KALRN: variants seen among roughly 807,000 people sequenced by gnomAD.
KALRN encodes kalirin RhoGEF kinase.
In KALRN, 70 loss-of-function variants were observed where a neutral mutation model predicts 353.7. That is an observed-to-expected ratio of 0.20 (90% CI 0.16 to 0.24). The LOEUF is 0.24. Among genes scored for constraint, KALRN ranks in the 10% least tolerant of loss-of-function variants. KALRN has a pLI of 1.00. For missense variants in KALRN, 2,791 were observed against 3,756.7 expected, an observed-to-expected ratio of 0.74 and a Z score of 6.72; for synonymous variants, 1,391 against 1,434.8, an observed-to-expected ratio of 0.97 and a Z score of 0.69.
chr3:124,242,357 C>A (rs970936451), intron 3 of KALRN, among the ~76,000 whole-genome samples: 1 of 152,158 alleles, frequency 6.6e-6, no homozygotes, highest in African/African-American at 2.4e-5. Context: ...GAAACTGAGA[C>A]GTAGAGAGAT....
chr3:124,640,286 C>A (rs372303287), intron 37 of KALRN, among the ~76,000 whole-genome samples: 1 of 127,462 alleles, frequency 7.8e-6, no homozygotes, highest in Non-Finnish European at 1.6e-5. Context: ...TTCTTTCTTT[C>A]TTTTTTTTTT....
chr3:124,154,162 G>A (rs936100584), intron 1 of KALRN, among the ~76,000 whole-genome samples: 14 of 152,172 alleles, frequency 9.2e-5, no homozygotes, highest in Non-Finnish European at 1.9e-4. Context: ...TGTTGCCATT[G>A]CTTTTGGTGT....
At chr3:124,639,765 A>G (rs2081820709) in intron 37 of KALRN, among the ~76,000 whole-genome samples, 1 of 152,240 alleles carries the variant, frequency 6.6e-6, no homozygotes, top group African/African-American at 2.4e-5. Context: ...AATGAAGGAT[A>G]TAACTTCTTC....
chr3:124,376,488 TC>T (rs937243615), intron 10 of KALRN, among the ~76,000 whole-genome samples: 2 of 152,212 alleles, frequency 1.3e-5, no homozygotes, highest in African/African-American at 4.8e-5. Flanking sequence ...TTCCCAGAAT[TC>T]ATCCCCTTCC....
At chr3:124,185,542 C>G (rs1000521601) in intron 1 of KALRN, among the ~76,000 whole-genome samples, 1 of 152,200 alleles carries the variant, frequency 6.6e-6, no homozygotes, top group Non-Finnish European at 1.5e-5. Flanking sequence ...CTGTGATCCT[C>G]CAAGGTTGAG....
intron 34 of KALRN, among the ~76,000 whole-genome samples, chr3:124,626,319 A>G (rs2119185): frequency 0.7 from 107,157 of 152,060 alleles, 38,150 homozygotes; most frequent in East Asian, 0.89. Flanking sequence ...ATTAGAGAGT[A>G]GGATTGCAAC....
At chr3:124,261,528 C>T (rs2072867116) in intron 3 of KALRN, among the ~76,000 whole-genome samples, 1 of 152,222 alleles carries the variant, frequency 6.6e-6, no homozygotes, top group African/African-American at 2.4e-5. Context: ...GGGCCTCTTT[C>T]TCCATCTCCT....
At chr3:124,336,883 T>G (rs1433738888) in intron 9 of KALRN, among the ~76,000 whole-genome samples, 1 of 152,164 alleles carries the variant, frequency 6.6e-6, no homozygotes, top group Non-Finnish European at 1.5e-5. Flanking sequence ...ACGTAGGTAT[T>G]TTATTCTCTT....
At chr3:124,615,338 C>T (rs2078457650) in intron 34 of KALRN, among the ~76,000 whole-genome samples, 1 of 152,090 alleles carries the variant, frequency 6.6e-6, no homozygotes, top group African/African-American at 2.4e-5. Flanking sequence ...TCATAAAAGA[C>T]ATGATCTTTC....
chr3:124,567,521 C>T (rs1399889099), intron 34 of KALRN, among the ~76,000 whole-genome samples: 1 of 152,132 alleles, frequency 6.6e-6, no homozygotes, highest in Non-Finnish European at 1.5e-5. Context: ...GCCTTTCCTG[C>T]TACTTTACTG....
Position 124,439,011 on chromosome 3 carries a change from T to C in KALRN, c.3172T>C (p.Leu1058=). 3 of 1,614,070 alleles carry C rather than the reference T, an allele frequency of 1.9e-6. No homozygotes were observed. Among genetic ancestry groups the C allele is most frequent in the South Asian group, 1.1e-5 (1 of 91,068 alleles). The change falls in exon 18 of 60, where the codon TTG becomes CTG. Residue 1058 remains leucine, a synonymous_variant. Transcript: ENST00000682506. ...TGTCATTCCCCTCATCAGCAAACAT[T>C]TGGAACAAAAGGAGGCCTTTCTTAA... ...DHVIPLISKH[L]EQKEAFLKAC... is the part of the protein sequence containing the mutation.
intron 38 of KALRN, among the ~76,000 whole-genome samples, chr3:124,653,732 T>G (rs2083672634): frequency 6.6e-6 from 1 of 152,236 alleles, no homozygotes; most frequent in Admixed American, 6.5e-5. Context: ...GAAGTGGTTC[T>G]AACCAGTAGC....
chr3:124,572,504 A>G (rs7613600), intron 34 of KALRN, among the ~76,000 whole-genome samples: 46,759 of 151,940 alleles, frequency 0.31, 7,399 homozygotes, highest in East Asian at 0.38. Context: ...GGTGGGAAGA[A>G]GACAGGGTAT....
chr3:124,413,726 C>G, intron 14 of KALRN, 61 bp downstream of exon 14: 1 of 1,319,918 alleles, frequency 7.6e-7, no homozygotes, highest in Non-Finnish European at 1.1e-6. Flanking sequence ...TACCATCTAG[C>G]CTGCAAGGAG....
chr3:124,114,916 A>G (rs568308136), intron 1 of KALRN, among the ~76,000 whole-genome samples: 1 of 152,316 alleles, frequency 6.6e-6, no homozygotes, highest in East Asian at 1.9e-4. Flanking sequence ...ACAAATATGT[A>G]TTGAATGCCT....
In KALRN at chr3:124,562,988, A is replaced by G; in HGVS notation, c.5081A>G (p.Glu1694Gly). ...RPGWCLVRTT[E>G]RSPPLEGLVP... ...GGTTGGTGTCTGGTCCGTACCACCG[A>G]ACGGAGCCCGCCCTTGGAGGGTCTG... is the stretch of plus-strand genomic sequence containing the variant. Residue 1694 changes from glutamate (E) to glycine (G), a missense_variant, in exon 34 of 60, where the codon GAA (glutamate) becomes GGA (glycine). By Grantham distance (98) the Glu-to-Gly change is moderately conservative. Coordinates refer to ENST00000682506, the MANE Select transcript of KALRN (RefSeq NM_001388419.1). 7.3e-7 allele frequency: 1 copy of G among 1,367,868 alleles called. No individual in the cohort carries two copies. Among genetic ancestry groups the G allele is most frequent in the Non-Finnish European group, 9.8e-7 (1 of 1,021,996 alleles). 84.7% of individuals were successfully genotyped at this position (1,367,868 alleles called of 1,614,324 possible).
At chr3:124,212,700 G>C (rs571800959) in intron 1 of KALRN, among the ~76,000 whole-genome samples, 1 of 152,080 alleles carries the variant, frequency 6.6e-6, no homozygotes, top group African/African-American at 2.4e-5. Context: ...TTTCTGAAAA[G>C]GTTGAAGCAA....
chr3:124,090,446 G>A (rs2061049913), intron 1 of KALRN, among the ~76,000 whole-genome samples: 1 of 152,236 alleles, frequency 6.6e-6, no homozygotes, highest in South Asian at 2.1e-4. Context: ...CCATTGTACA[G>A]ATGTGCAGTG....
intron 33 of KALRN, among the ~76,000 whole-genome samples, chr3:124,525,568 T>A (rs2067518404): frequency 6.6e-6 from 1 of 152,194 alleles, no homozygotes; most frequent in South Asian, 2.1e-4. Context: ...GATAGCACTC[T>A]GAGTGTTGCT....
Sources: allele counts gnomAD v4.1 joint callset (sites outside exome capture counted in the v4.1 genomes callset), GRCh38; gene constraint gnomAD v4.1.1; transcripts MANE v1.5; gene names NCBI Gene and HGNC (gene_info 2026-07-23, HGNC 2026-07-21).